Variants in USP54 observed in about 807,000 individuals in gnomAD.
The protein encoded by USP54 is ubiquitin carboxyl-terminal hydrolase 54.
A neutral mutation model predicts 170.5 loss-of-function variants in USP54; 87 were observed. The observed-to-expected ratio is 0.51, with a 90% CI of 0.43 to 0.61. The LOEUF is 0.61. USP54 is among the 20% of genes least tolerant of loss of function. The probability of loss-of-function intolerance (pLI) is 0.00; values close to 1 mark genes in which losing one functional copy is unlikely to be tolerated. For synonymous variants in USP54, 655 were observed against 742.8 expected (o/e 0.88, Z 1.92); for missense variants, 1,786 against 2,047.8 (o/e 0.87, Z 2.47).
chr10:73,529,028 G>C (rs1379439205), intron 15 of USP54: 13 of 152,200 alleles, frequency 8.5e-5, no homozygotes, highest in Admixed American at 8.5e-4. Flanking sequence ...TAGATCCCTA[G>C]ACTTGTTTAT....
chr10:73,539,622 C>T, intron 9 of USP54, 29 bp from the exon 10 acceptor site: 1 of 1,564,244 alleles, frequency 6.4e-7, no homozygotes, highest in Non-Finnish European at 8.7e-7. Flanking sequence ...AAAGAAAGCA[C>T]AGTCACATAT....
At chr10:73,578,831 T>C (rs759934711) in intron 1 of USP54, among the ~76,000 whole-genome samples, 3 of 152,032 alleles carry the variant, frequency 2.0e-5, no homozygotes, top group Non-Finnish European at 1.5e-5. Context: ...ATACCTTACA[T>C]CTTATACAAA....
Position 73,498,467 on chromosome 10 carries a change from G to A in USP54, c.*162C>T. ...ATTTTTTGTATTTTGGTAGAGACGGGGTTTCACCATGTTGGCCAGGATGGT... is the reference window on the plus strand; with the variant it reads ...ATTTTTTGTATTTTGGTAGAGACGGAGTTTCACCATGTTGGCCAGGATGGT... On this transcript the variant is annotated 3_prime_UTR_variant, in exon 24 of 24. Coordinates refer to ENST00000687698, the MANE Select transcript of USP54 (RefSeq NM_001391956.1). 1 of 552,284 alleles carries A rather than the reference G, an allele frequency of 1.8e-6. No individual in the cohort carries two copies. The highest frequency in any genetic ancestry group is 2.9e-6 in the Non-Finnish European group (1 of 346,676). The allele number at this position is 552,284 out of a possible 1,614,324, so 34.2% of individuals were successfully genotyped here.
At chr10:73,557,700 G>A (rs1469612895) in intron 4 of USP54, among the ~76,000 whole-genome samples, 1 of 151,670 alleles carries the variant, frequency 6.6e-6, no homozygotes, top group Non-Finnish European at 1.5e-5. Context: ...TGGCCAGGCT[G>A]GTCTCAAACT....
Position 73,519,911 on chromosome 10 carries a change from A to C in USP54, c.2564T>G (p.Ile855Ser). The C allele has an allele frequency of 6.2e-7, 1 of 1,614,092 alleles. No homozygotes were observed. The highest frequency in any genetic ancestry group is 8.5e-7 in the Non-Finnish European group (1 of 1,180,010). ...ATCCTGCAGGCTCCGTGCTTTTCGA[A>C]TACTGATTTGCAACTTCTTATCGAC... ...ALVDKKLQIS[I>S]RKARSLQDRM... The change falls in exon 19 of 24, where the codon ATT becomes AGT. Residue 855 changes from isoleucine (I) to serine (S), a missense_variant. Coordinates refer to ENST00000687698, the MANE Select transcript of USP54 (RefSeq NM_001391956.1).
At chr10:73,558,959 T>C (rs1035732502) in intron 4 of USP54, among the ~76,000 whole-genome samples, 2 of 152,168 alleles carry the variant, frequency 1.3e-5, no homozygotes, top group Non-Finnish European at 2.9e-5. Flanking sequence ...GGCTACATGG[T>C]TTGTTTTTTC....
At chr10:73,510,243 G>C (rs546243053) in intron 20 of USP54, among the ~76,000 whole-genome samples, 11 of 151,968 alleles carry the variant, frequency 7.2e-5, no homozygotes, top group Non-Finnish European at 1.3e-4. Context: ...GCTGAGGCAG[G>C]AGAATCACTT....
At chr10:73,508,183 G>A (rs2059522936) in intron 20 of USP54, among the ~76,000 whole-genome samples, 1 of 152,074 alleles carries the variant, frequency 6.6e-6, no homozygotes, top group Non-Finnish European at 1.5e-5. Flanking sequence ...GAGGCGGGTG[G>A]ATAACCTGAG....
At chr10:73,552,715 C>A (rs955130627) in intron 4 of USP54, among the ~76,000 whole-genome samples, 1 of 151,806 alleles carries the variant, frequency 6.6e-6, no homozygotes, top group African/African-American at 2.4e-5. Context: ...TGCTTGAACC[C>A]GGGAGGTGGA....
In USP54 at chr10:73,526,637, T is replaced by C; in HGVS notation, c.2194+10A>G. 1 of 1,613,594 alleles carries C rather than the reference T, an allele frequency of 6.2e-7. No individual in the cohort carries two copies. Among genetic ancestry groups the C allele is most frequent in the African/African-American group, 1.3e-5 (1 of 75,004 alleles). ...AATCCAGTCCTCAAATTCAGTGTCA[T>C]TCTGCTTACCAGAGAAAGGCTGACT... On this transcript the variant is annotated intron_variant, in intron 16 of 23. Transcript: ENST00000687698.
At position 73,523,703 on chromosome 10, in the gene USP54, C is replaced by T; in HGVS notation, c.2242G>A (p.Val748Met). The change falls in exon 17 of 24, where the codon GTG becomes ATG. Residue 748 changes from valine to methionine, a missense_variant. Val to Met is a conservative substitution (Grantham distance 21, BLOSUM62 1). Around this residue, in one of 3 missense-constraint regions of USP54, gnomAD observed 1,418 missense variants for 1,569.0 expected, o/e 0.90. Transcript: ENST00000687698. ...KSELDELQEEVARRAQEQELR... is the reference protein window; with the variant it reads ...KSELDELQEEMARRAQEQELR... ...TCCTGTTCCTGCGCCCTCCTGGCCACCTCTTCCTGCAATTCATCCAGTTCA... is the reference window on the plus strand; with the variant it reads ...TCCTGTTCCTGCGCCCTCCTGGCCATCTCTTCCTGCAATTCATCCAGTTCA... The T allele has an allele frequency of 6.2e-7, 1 of 1,613,824 alleles. No homozygotes were observed.
intron 11 of USP54, 168 bp downstream of exon 11, chr10:73,536,101 G>C: frequency 1.1e-6 from 1 of 875,650 alleles, no homozygotes; most frequent in Non-Finnish European, 1.8e-6. Context: ...AGGAAATAAA[G>C]GCTGGCCCAA....
At position 73,499,177 on chromosome 10, in the gene USP54, TC is replaced by T; in HGVS notation, c.4506del (p.Ser1503ValfsTer25). 1 of 1,594,110 alleles carries T rather than the reference TC, an allele frequency of 6.3e-7. No individual in the cohort carries two copies. The highest frequency in any genetic ancestry group is 8.5e-7 in the Non-Finnish European group (1 of 1,172,366). ...GEPNRLPGTS[R>X]SVQQFLAMCD... ...CACATAGCCAGAAACTGCTGGACACTCCTTGAAGTTCCTGGGGAAAGAAAAG... is the reference window on the plus strand; with the variant it reads ...CACATAGCCAGAAACTGCTGGACACTCTTGAAGTTCCTGGGGAAAGAAAAG... On this transcript the variant is annotated frameshift_variant, in exon 24 of 24. Coordinates refer to ENST00000687698, the MANE Select transcript of USP54 (RefSeq NM_001391956.1). LOFTEE classifies it high-confidence loss of function.
intron 5 of USP54, among the ~76,000 whole-genome samples, chr10:73,543,981 CGCCCAGGCAGG>C (rs2067197257): frequency 6.7e-6 from 1 of 150,102 alleles, no homozygotes; most frequent in Non-Finnish European, 1.5e-5. Flanking sequence ...CTGTCTCTGT[CGCCCAGGCAGG>C]AGTACAGTAG....
At chr10:73,543,558 A>G (rs2067083313) in intron 5 of USP54, among the ~76,000 whole-genome samples, 1 of 151,908 alleles carries the variant, frequency 6.6e-6, no homozygotes, top group Non-Finnish European at 1.5e-5. Context: ...AGTAGAGACG[A>G]GGTTTCACCG....
chr10:73,526,915 T>G, intron 15 of USP54, 135 bp from the exon 16 acceptor site: 1 of 1,071,730 alleles, frequency 9.3e-7, no homozygotes, highest in Non-Finnish European at 1.3e-6. Context: ...TTCTGAAGAA[T>G]TGAAATATCC....
chr10:73,582,998 T>C (rs958043473), intron 1 of USP54, among the ~76,000 whole-genome samples: 10 of 152,216 alleles, frequency 6.6e-5, no homozygotes, highest in African/African-American at 2.2e-4. Context: ...CAATTATTTC[T>C]GTGGTATTCT....
At chr10:73,559,557 C>T (rs111479599) in intron 4 of USP54, among the ~76,000 whole-genome samples, 5,028 of 139,654 alleles carry the variant, frequency 0.036, 140 homozygotes, top group South Asian at 0.12. Flanking sequence ...CAAAACTCCA[C>T]CTAAAAAAAA....
intron 9 of USP54, 135 bp downstream of exon 9, chr10:73,541,240 A>C: frequency 1.5e-6 from 2 of 1,312,040 alleles, no homozygotes; most frequent in Non-Finnish European, 2.1e-6. Context: ...GTATCTGTAC[A>C]CAAATAAGTT....
Sources: gnomAD v4.1 joint callset for allele counts (sites outside exome capture counted in the v4.1 genomes callset) on GRCh38, gnomAD v4.1.1 for gene constraint, gnomAD v4.1.1 regional missense constraint, MANE v1.5 for transcripts, NCBI Gene and HGNC (gene_info 2026-07-23, HGNC 2026-07-21) for gene names.